Variants in CENPK observed in about 807,000 individuals in gnomAD.
CENPK encodes the protein SoxLZ/Sox6-binding protein Solt.
CENPK carries 46 observed loss-of-function variants against 40.9 expected under a neutral mutation model. The ratio of observed to expected loss-of-function variants is 1.13; its 90% confidence interval spans 0.89 to 1.44. CENPK has a LOEUF of 1.44. CENPK is among the 40% of genes most tolerant of loss of function. The pLI is 0.00. For missense variants in CENPK, 288 were observed against 303.5 expected (o/e 0.95, Z 0.38); for synonymous variants, 107 against 104.4 (o/e 1.02, Z -0.15).
intron 9 of CENPK, among the ~76,000 whole-genome samples, chr5:65,527,511 AT>A (rs1379753961): frequency 1.9e-4 from 1 of 5,236 alleles, no homozygotes; most frequent in Non-Finnish European, 4.1e-4. Context: ...ATATATATAT[AT>A]ATATATATAT....
intron 5 of CENPK, among the ~76,000 whole-genome samples, chr5:65,545,600 C>T (rs550256712): frequency 4.6e-5 from 7 of 152,166 alleles, no homozygotes; most frequent in South Asian, 2.1e-4. Context: ...TCTAAAAGAA[C>T]GGCTCAAGGA....
chr5:65,545,320 GCGCGCACACACACACACACA>G (rs1342267536), intron 5 of CENPK, among the ~76,000 whole-genome samples: 5 of 34,604 alleles, frequency 1.4e-4, no homozygotes, highest in Admixed American at 5.4e-4. Context: ...AGTCCTCAAA[GCGCGCACACACACACACACA>G]CACACACACA....
intron 9 of CENPK, among the ~76,000 whole-genome samples, chr5:65,521,856 C>T (rs1182637384): frequency 6.6e-6 from 1 of 152,160 alleles, no homozygotes; most frequent in African/African-American, 2.4e-5. Flanking sequence ...CCCACATCGG[C>T]CTCCCAAAGT....
At chr5:65,560,459 C>T (rs2150566388) in intron 2 of CENPK, among the ~76,000 whole-genome samples, 1 of 152,146 alleles carries the variant, frequency 6.6e-6, no homozygotes, top group South Asian at 2.1e-4. Context: ...TTTTGACTAG[C>T]ATGATGGTAA....
intron 2 of CENPK, among the ~76,000 whole-genome samples, chr5:65,556,173 A>G (rs1454012595): frequency 6.6e-6 from 1 of 152,172 alleles, no homozygotes; most frequent in African/African-American, 2.4e-5. Context: ...AATTAGCTAG[A>G]AAAAAAGACA....
chr5:65,528,787 A>T, intron 8 of CENPK, 132 bp downstream of exon 8: 2 of 888,646 alleles, frequency 2.3e-6, no homozygotes, highest in East Asian at 5.5e-5. Context: ...AGATCATATA[A>T]TAGCTAATAG....
chr5:65,500,819 T>C, the CENPK span, among the ~76,000 whole-genome samples: 2 of 151,898 alleles, frequency 1.3e-5, no homozygotes, highest in Admixed American at 6.6e-5. Flanking sequence ...CACACCACCA[T>C]GCCCAGCTAA....
At chr5:65,514,228 A>ATATTTTTTTTTTTTTTTTTTTT (rs199873665), downstream of CENPK, among the ~76,000 whole-genome samples, 3 of 61,648 alleles carry the variant, frequency 4.9e-5, no homozygotes, top group Non-Finnish European at 9.2e-5. Flanking sequence ...GCCTCACATA[A>ATATTTTTTTTTTTTTTTTTTTT]TCTTTTTTTT....
intron 6 of CENPK, among the ~76,000 whole-genome samples, chr5:65,537,692 G>A (rs1242201805): frequency 6.6e-6 from 1 of 152,090 alleles, no homozygotes; most frequent in African/African-American, 2.4e-5. Flanking sequence ...TTTGTGGCGG[G>A]CTTTTTTCAT....
chr5:65,506,473 A>C, the CENPK span, among the ~76,000 whole-genome samples: 1 of 151,566 alleles, frequency 6.6e-6, no homozygotes. Context: ...ACATGGTGAA[A>C]CCCGGTCTCT....
chr5:65,552,099 A>G (rs965213489), intron 4 of CENPK, among the ~76,000 whole-genome samples: 4 of 152,140 alleles, frequency 2.6e-5, no homozygotes, highest in South Asian at 4.1e-4. Flanking sequence ...AGCTGGGATC[A>G]TATGACCACA....
intron 1 of CENPK, 44 bp downstream of exon 1, chr5:65,563,054 A>G: frequency 2.8e-6 from 1 of 363,236 alleles, no homozygotes; most frequent in African/African-American, 2.1e-5. Flanking sequence ...CTGGAGCTCC[A>G]CAAGATTCAA....
At chr5:65,518,822 G>C (rs1208966659) in intron 10 of CENPK, among the ~76,000 whole-genome samples, 189 bp from the exon 11 acceptor site, 1 of 152,062 alleles carries the variant, frequency 6.6e-6, no homozygotes, top group Non-Finnish European at 1.5e-5. Context: ...GCTTTAAAGT[G>C]AATTTTTGCA....
At chr5:65,503,167 T>C in the CENPK span, among the ~76,000 whole-genome samples, 1 of 146,228 alleles carries the variant, frequency 6.8e-6, no homozygotes, top group African/African-American at 2.5e-5. Flanking sequence ...CTGGATGCAG[T>C]GTCTCGATCT....
intron 6 of CENPK, among the ~76,000 whole-genome samples, chr5:65,536,523 G>A (rs1342425310): frequency 1.3e-5 from 2 of 152,070 alleles, no homozygotes; most frequent in Non-Finnish European, 1.5e-5. Context: ...AGCTACTTGG[G>A]AAGCTAAGGC....
At chr5:65,545,150 A>G (rs1348851039) in intron 5 of CENPK, among the ~76,000 whole-genome samples, 2 of 152,102 alleles carry the variant, frequency 1.3e-5, no homozygotes, top group African/African-American at 4.8e-5. Flanking sequence ...GGAGTTGCTG[A>G]AAAAATACAT....
At chr5:65,496,287 C>T in the CENPK span, among the ~76,000 whole-genome samples, 1 of 146,874 alleles carries the variant, frequency 6.8e-6, no homozygotes, top group South Asian at 2.2e-4. Context: ...CACTTATACT[C>T]TTTGACCTAG....
At chr5:65,496,819 C>T in the CENPK span, among the ~76,000 whole-genome samples, 118 of 151,560 alleles carry the variant, frequency 7.8e-4, no homozygotes, top group Admixed American at 1.4e-3. Flanking sequence ...TTTGGGACGC[C>T]GAGGTAGGTA....
intron 6 of CENPK, among the ~76,000 whole-genome samples, chr5:65,536,854 A>G (rs1454103286): frequency 6.6e-6 from 1 of 152,286 alleles, no homozygotes. Flanking sequence ...TGACTATAGA[A>G]ACTTGGTTGC....
Sources: allele counts gnomAD v4.1 joint callset (sites outside exome capture counted in the v4.1 genomes callset), GRCh38; gene constraint gnomAD v4.1.1; transcripts MANE v1.5; gene names NCBI Gene and HGNC (gene_info 2026-07-23, HGNC 2026-07-21).